Variants in SCN9A observed in about 807,000 individuals in gnomAD.
SCN9A encodes sodium channel protein type 9 subunit alpha.
SCN9A carries 131 observed loss-of-function variants against 187.0 expected under a neutral mutation model. The observed-to-expected ratio is 0.70, with a 90% confidence interval of 0.61 to 0.81. SCN9A has a LOEUF of 0.81. SCN9A is among the 30% of genes least tolerant of loss of function. The pLI is 0.00. For synonymous variants in SCN9A, 809 were observed against 808.6 expected (o/e 1.00, Z -0.01); for missense variants, 2,252 against 2,396.6 (o/e 0.94, Z 1.26).
At chr2:166,207,404 C>G (rs1477839977) in intron 24 of SCN9A, among the ~76,000 whole-genome samples, 2 of 150,130 alleles carry the variant, frequency 1.3e-5, no homozygotes, top group East Asian at 4.0e-4. Context: ...GGTAACCAGA[C>G]TTCCCTTTCT....
Position 166,311,600 on chromosome 2 carries a change from A to C in SCN9A, c.157T>G (p.Leu53Val). 1 of 1,613,258 alleles carries C rather than the reference A, an allele frequency of 6.2e-7. No homozygotes were observed. The highest frequency in any genetic ancestry group is 8.5e-7 in the Non-Finnish European group (1 of 1,179,748). Reference sequence around the variant, plus strand: ...AAGGGCAGCTGTTTGCCAGCTTCCAAGTCACTGCTTGGCTTTGGGGCTTCT... The same window carrying C: ...AAGGGCAGCTGTTTGCCAGCTTCCACGTCACTGCTTGGCTTTGGGGCTTCT... ...DEEAPKPSSD[L>V]EAGKQLPFIY... The change falls in exon 2 of 27, where the codon TTG becomes GTG. Residue 53 changes from leucine (L) to valine (V), a missense_variant. Leu to Val is a conservative substitution (Grantham distance 32). Around this residue, in one of 7 missense-constraint regions of SCN9A, gnomAD observed 1,013 missense variants for 997.4 expected, o/e 1.02. Coordinates refer to ENST00000642356, the MANE Select transcript of SCN9A (RefSeq NM_001365536.1).
intron 1 of SCN9A, among the ~76,000 whole-genome samples, chr2:166,365,145 T>C (rs1158735584): frequency 1.3e-5 from 2 of 152,164 alleles, no homozygotes; most frequent in African/African-American, 4.8e-5. Context: ...ATCTTTGTCT[T>C]ATTAGCCCTG....
Position 166,278,208 on chromosome 2 carries a change from T to G in SCN9A, c.2449A>C (p.Thr817Pro), listed in dbSNP as rs1439416154. Reference protein sequence around the residue: ...GWNIFDSLIVTLSLVELFLAD... With the variant: ...GWNIFDSLIVPLSLVELFLAD... ...AGAAAGAGCTCCACTAAACTTAAAG[T>G]CACAATAAGGCTGTCAAAAATATTC... The change falls in exon 15 of 27, where the codon ACT becomes CCT. Residue 817 changes from threonine (T) to proline (P), a missense_variant. Thr to Pro is a conservative substitution (Grantham distance 38). Coordinates refer to ENST00000642356, the MANE Select transcript of SCN9A (RefSeq NM_001365536.1). The G allele has an allele frequency of 1.9e-6, 3 of 1,613,086 alleles. No homozygotes were observed. The African/African-American group carries it at 4.0e-5, about 22-fold the overall frequency.
intron 1 of SCN9A, among the ~76,000 whole-genome samples, chr2:166,365,067 C>T (rs938941231): frequency 1.3e-5 from 2 of 151,980 alleles, no homozygotes; most frequent in African/African-American, 4.8e-5. Flanking sequence ...TCGAAATATA[C>T]AAAATATTAC....
intron 1 of SCN9A, among the ~76,000 whole-genome samples, chr2:166,365,903 A>G (rs1308205464): frequency 2.6e-5 from 4 of 152,212 alleles, no homozygotes; most frequent in African/African-American, 9.6e-5. Flanking sequence ...TGATGTCTAC[A>G]ATAAAACTTT....
Position 166,346,566 on chromosome 2 carries a change from T to C in SCN9A, c.-51+29131A>G, listed in dbSNP as rs148713442. ...TAAATGTGAGATGCTCTGCTCAAGC[T>C]GGGAAAAAATATGTATCTCCTGTTT... is the stretch of plus-strand genomic sequence containing the variant. On this transcript the variant is annotated intron_variant, in intron 1 of 26. Transcript: ENST00000642356. 4.9e-4 allele frequency among the ~76,000 whole-genome samples: 75 copies of C among 152,242 alleles called. 2 individuals are homozygous for C. In the East Asian group the frequency reaches 0.012, roughly 25 times the overall value.
intron 10 of SCN9A, among the ~76,000 whole-genome samples, chr2:166,287,400 A>G (rs1370844013): frequency 6.6e-6 from 1 of 152,156 alleles, no homozygotes; most frequent in African/African-American, 2.4e-5. Flanking sequence ...ATTTTAAAAA[A>G]ACACATAGTT....
chr2:166,317,850 C>A (rs1699144556), intron 1 of SCN9A, among the ~76,000 whole-genome samples: 1 of 151,946 alleles, frequency 6.6e-6, no homozygotes, highest in Non-Finnish European at 1.5e-5. Flanking sequence ...CACTAAAAAC[C>A]AGAGGAAGAC....
At chr2:166,309,316 C>G (rs997834768) in intron 2 of SCN9A, among the ~76,000 whole-genome samples, 1 of 152,062 alleles carries the variant, frequency 6.6e-6, no homozygotes, top group African/African-American at 2.4e-5. Flanking sequence ...AATTTTCATT[C>G]TCATTAAAAA....
At chr2:166,295,012 ATAAAT>A (rs1360473855) in intron 7 of SCN9A, among the ~76,000 whole-genome samples, 2 of 152,224 alleles carry the variant, frequency 1.3e-5, no homozygotes, top group African/African-American at 2.4e-5. Flanking sequence ...TCTAAAGAAA[ATAAAT>A]TAAGGCAACG....
Position 166,204,363 on chromosome 2 carries a change from T to C in SCN9A, c.4500A>G (p.Pro1500=), listed in dbSNP as rs368177652. 9.3e-6 allele frequency: 15 copies of C among 1,604,690 alleles called. No individual in the cohort carries two copies. The highest frequency in any genetic ancestry group is 1.3e-5 in the Non-Finnish European group (15 of 1,173,812). The part of the protein sequence containing the change: ...SKKPQKPIPR[P]GNKIQGCIFD... ...AAAGATATATATATTTTTTTACCCCTGGTCGAGGAATTGGCTTTTGTGGCT... is the reference window on the plus strand; with the variant it reads ...AAAGATATATATATTTTTTTACCCCCGGTCGAGGAATTGGCTTTTGTGGCT... The change falls in exon 25 of 27, where the codon CCA becomes CCG. Residue 1500 remains proline, a synonymous_variant. Transcript: ENST00000642356.
At chr2:166,284,406 C>T in intron 12 of SCN9A, 47 bp downstream of exon 12, 1 of 1,555,094 alleles carries the variant, frequency 6.4e-7, no homozygotes, top group Non-Finnish European at 8.7e-7. Context: ...CTGACTGATG[C>T]AGGAACAAGG....
chr2:166,361,538 A>G (rs572827353), intron 1 of SCN9A, among the ~76,000 whole-genome samples: 12 of 152,246 alleles, frequency 7.9e-5, no homozygotes, highest in African/African-American at 2.4e-4. Context: ...AAGGTTATAT[A>G]AATTCTTAAA....
intron 1 of SCN9A, among the ~76,000 whole-genome samples, chr2:166,353,296 G>A (rs375314088): frequency 6.6e-6 from 1 of 150,952 alleles, no homozygotes; most frequent in East Asian, 1.9e-4. Flanking sequence ...CTAACACCAA[G>A]CAAGTTTGAA....
intron 1 of SCN9A, among the ~76,000 whole-genome samples, chr2:166,326,822 G>T (rs1699374294): frequency 6.6e-6 from 1 of 152,156 alleles, no homozygotes. Context: ...GTAAGCAGAT[G>T]TCATATATTA....
chr2:166,274,178 C>T (rs1002127670), intron 16 of SCN9A, among the ~76,000 whole-genome samples: 7 of 152,112 alleles, frequency 4.6e-5, no homozygotes, highest in Non-Finnish European at 7.4e-5. Context: ...GTGGCTCATG[C>T]GGTTCTCACT....
chr2:166,341,242 G>GTTACACTGAGTACCAA (rs1193309837), intron 1 of SCN9A, among the ~76,000 whole-genome samples: 2 of 152,140 alleles, frequency 1.3e-5, no homozygotes, highest in Admixed American at 6.5e-5. Flanking sequence ...TAATGACATG[G>GTTACACTGAGTACCAA]TGAGTTACAC....
intron 7 of SCN9A, chr2:166,301,203 GCTGT>G (rs1698544433): frequency 6.8e-6 from 1 of 148,098 alleles, no homozygotes; most frequent in Non-Finnish European, 1.5e-5. Context: ...TTGATTAAAG[GCTGT>G]CTGTGTACAT....
intron 24 of SCN9A, chr2:166,204,710 T>C: frequency 4.1e-6 from 1 of 241,434 alleles, no homozygotes; most frequent in East Asian, 8.1e-5. Flanking sequence ...TGGCTCAATA[T>C]TCTTTTGGTG....
Sources: gnomAD v4.1 joint callset for allele counts (sites outside exome capture counted in the v4.1 genomes callset) on GRCh38, gnomAD v4.1.1 for gene constraint, gnomAD v4.1.1 regional missense constraint, MANE v1.5 for transcripts, NCBI Gene and HGNC (gene_info 2026-07-23, HGNC 2026-07-21) for gene names.